Variants in AGTPBP1 observed in about 807,000 individuals in gnomAD.
The protein encoded by AGTPBP1 is cytosolic carboxypeptidase 1.
Under a neutral mutation model 143.9 loss-of-function variants are expected in AGTPBP1, and 70 were observed. That is an observed-to-expected ratio of 0.49 (90% CI 0.40 to 0.59). AGTPBP1 has a LOEUF of 0.59. Among genes scored for constraint, AGTPBP1 ranks in the 20% least tolerant of loss-of-function variants. The pLI, the probability that AGTPBP1 is intolerant of heterozygous loss-of-function variation, is 0.00. For missense variants in AGTPBP1, 1,229 were observed against 1,464.5 expected (o/e 0.84, Z 2.62); for synonymous variants, 463 against 500.2 (o/e 0.93, Z 0.99).
intron 2 of AGTPBP1, among the ~76,000 whole-genome samples, chr9:85,697,385 TA>T (rs1836316447): frequency 8.6e-6 from 1 of 116,396 alleles, no homozygotes; most frequent in South Asian, 2.9e-4. Flanking sequence ...GTGGGTTTAT[TA>T]TTTTTTAAAT....
At chr9:85,761,286 G>A in the AGTPBP1 span, among the ~76,000 whole-genome samples, 4 of 152,112 alleles carry the variant, frequency 2.6e-5, no homozygotes, top group East Asian at 1.9e-4. Context: ...TAAAGTTCAT[G>A]TGGAACCAAG....
Position 85,619,139 on chromosome 9 carries a change from T to C in AGTPBP1, c.2187-8A>G, listed in dbSNP as rs1351386457. 6 of 1,611,854 alleles carry C rather than the reference T, an allele frequency of 3.7e-6. No homozygotes were observed. The South Asian group carries it at 4.4e-5, about 12-fold the overall frequency. ...ATAAGATCATATTCATTTCTGAAAA[T>C]AGAAGACAAAGAAATCTGATGAAAA... On this transcript the variant is annotated splice_polypyrimidine_tract_variant and splice_region_variant and intron_variant, in intron 16 of 25. Transcript: ENST00000357081.
intron 2 of AGTPBP1, among the ~76,000 whole-genome samples, chr9:85,696,453 AGGTCG>A (rs879775935): frequency 2.9e-4 from 44 of 152,120 alleles, no homozygotes; most frequent in Non-Finnish European, 6.0e-4. Flanking sequence ...AGATCGCTTG[AGGTCG>A]AGAGCTCGAG....
At chr9:85,712,258 C>T (rs1837428536) in intron 2 of AGTPBP1, among the ~76,000 whole-genome samples, 2 of 151,838 alleles carry the variant, frequency 1.3e-5, no homozygotes, top group South Asian at 2.1e-4. Context: ...GAGTGAAATT[C>T]CGTCTCAAAA....
At position 85,657,484 on chromosome 9, in the gene AGTPBP1, T is replaced by C. The variant is rs754342914; in HGVS notation, c.860A>G (p.Lys287Arg). Residue 287 changes from lysine to arginine, a missense_variant, in exon 10 of 26, where the codon AAA (lysine) becomes AGA (arginine). Physicochemically the swap from Lys to Arg is conservative, Grantham distance 26. Around this residue, in one of 2 missense-constraint regions of AGTPBP1, gnomAD observed 743 missense variants for 812.2 expected, o/e 0.91. Transcript: ENST00000357081. ...KSVTNIKLGR[K>R]AFIDANGMKI... Reference sequence around the variant, plus strand: ...CATCCCATTGGCATCAATAAATGCTTTTCTTCCCAACTTGATGTTTGTAAC... The same window carrying C: ...CATCCCATTGGCATCAATAAATGCTCTTCTTCCCAACTTGATGTTTGTAAC... 15 of 1,613,756 alleles carry C rather than the reference T, an allele frequency of 9.3e-6. No homozygotes were observed. The South Asian group carries it at 1.1e-4, about 12-fold the overall frequency.
chr9:85,625,128 G>C (rs974050411), intron 14 of AGTPBP1, among the ~76,000 whole-genome samples: 1 of 152,234 alleles, frequency 6.6e-6, no homozygotes, highest in Non-Finnish European at 1.5e-5. Context: ...TGTGCACACA[G>C]ACATGTGAGA....
intron 25 of AGTPBP1, among the ~76,000 whole-genome samples, chr9:85,572,657 T>A (rs1827582150): frequency 6.6e-6 from 1 of 152,202 alleles, no homozygotes; most frequent in Admixed American, 6.5e-5. Context: ...TTAGTAAGCA[T>A]AAACGATATT....
At chr9:85,671,092 T>C (rs1361278385) in intron 7 of AGTPBP1, among the ~76,000 whole-genome samples, 1 of 151,150 alleles carries the variant, frequency 6.6e-6, no homozygotes, top group South Asian at 2.1e-4. Flanking sequence ...CAGGCACACA[T>C]CACCACAACT....
the AGTPBP1 span, among the ~76,000 whole-genome samples, chr9:85,762,386 G>C: frequency 1.3e-5 from 2 of 152,106 alleles, no homozygotes; most frequent in Non-Finnish European, 2.9e-5. Flanking sequence ...GTCCAACAAT[G>C]ATAGACTGGA....
Position 85,672,727 on chromosome 9 carries a change from T to G in AGTPBP1, c.437-46A>C, listed in dbSNP as rs1240582744. The G allele has an allele frequency of 2.1e-6, 3 of 1,434,244 alleles. No individual in the cohort carries two copies. In the African/African-American group the frequency reaches 4.6e-5, roughly 22 times the overall value. 88.8% of individuals were successfully genotyped at this position (1,434,244 alleles called of 1,614,324 possible). On this transcript the variant is annotated intron_variant, in intron 6 of 25. Transcript: ENST00000357081. Reference sequence around the variant, plus strand: ...CAATTTATGCACATACAACTTTTCTTTTTAATTTTTTTTTTTTTTTTTTTT... The same window carrying G: ...CAATTTATGCACATACAACTTTTCTGTTTAATTTTTTTTTTTTTTTTTTTT...
intron 10 of AGTPBP1, among the ~76,000 whole-genome samples, 156 bp from the exon 11 acceptor site, chr9:85,655,476 A>C (rs1328805674): frequency 6.6e-6 from 1 of 152,258 alleles, no homozygotes; most frequent in Non-Finnish European, 1.5e-5. Context: ...AAATAGCTTT[A>C]CTATTCAGAA....
the AGTPBP1 span, among the ~76,000 whole-genome samples, chr9:85,777,770 A>T: frequency 1.3e-5 from 2 of 152,210 alleles, no homozygotes; most frequent in African/African-American, 4.8e-5. Flanking sequence ...CTGACCATCC[A>T]GCCAAACCAC....
In AGTPBP1 at chr9:85,677,489, T is replaced by C; in HGVS notation, c.383A>G (p.His128Arg). 6.2e-7 allele frequency: 1 copy of C among 1,605,666 alleles called. No homozygotes were observed. The highest frequency in any genetic ancestry group is 8.5e-7 in the Non-Finnish European group (1 of 1,176,004). ...ATGAATCTGTACCATTAAGTCCTCA[T>C]GTGGGGGAGATTCTTTGCTGGCATT... ...LMNASKESPP[H>R]EDLMVQIHSI... is the part of the protein sequence containing the mutation. Residue 128 changes from histidine to arginine, a missense_variant, in exon 6 of 26, where the codon CAT (histidine) becomes CGT (arginine). Transcript: ENST00000357081.
chr9:85,592,611 A>T lies in AGTPBP1; in HGVS notation c.2517T>A (p.Asp839Glu), dbSNP rs894456162. ...AGTGATAAGCAAAGTAGCAAACATC[A>T]TCTTTATGTGGAAAATTGACAGTAA... ...ITFTVNFPHK[D>E]DVCYFAYHYP... The change falls in exon 19 of 26, where the codon GAT becomes GAA. Residue 839 changes from aspartate to glutamate, a missense_variant. Physicochemically the swap from Asp to Glu is conservative, Grantham distance 45. This residue lies in a region of AGTPBP1 where 486 missense variants were observed against 652.3 expected (regional missense o/e 0.75). Transcript: ENST00000357081. 2 of 1,612,312 alleles carry T rather than the reference A, an allele frequency of 1.2e-6. No individual in the cohort carries two copies. The highest frequency in any genetic ancestry group is 1.7e-6 in the Non-Finnish European group (2 of 1,179,280).
At chr9:85,551,637 C>G (rs1392019260) in intron 25 of AGTPBP1, among the ~76,000 whole-genome samples, 1 of 152,128 alleles carries the variant, frequency 6.6e-6, no homozygotes, top group Non-Finnish European at 1.5e-5. Flanking sequence ...AGTTTTTATC[C>G]CACAGATTTT....
intron 13 of AGTPBP1, among the ~76,000 whole-genome samples, chr9:85,642,256 C>T (rs940146875): frequency 1.3e-5 from 2 of 152,046 alleles, no homozygotes; most frequent in Non-Finnish European, 1.5e-5. Context: ...CTCTGTAATC[C>T]AGGCTGAATA....
chr9:85,621,330 T>C (rs949729763), intron 14 of AGTPBP1, 45 bp from the exon 15 acceptor site: 5 of 930,666 alleles, frequency 5.4e-6, no homozygotes, highest in South Asian at 2.9e-5. Flanking sequence ...TATACACTAA[T>C]GTACAACTTT....
rs767618691 is a variant in AGTPBP1, at chr9:85,692,812, G to A, written c.34C>T (p.Leu12Phe). 15 of 1,612,772 alleles carry A rather than the reference G, an allele frequency of 9.3e-6. No individual in the cohort carries two copies. The highest frequency in any genetic ancestry group is 1.7e-4 in the Middle Eastern group (1 of 6,052). The part of the protein sequence containing the change: ...SKLKVIPEKS[L>F]TNNSRIVGLL... ...CCTACGATCCTAGAATTATTGGTAA[G>A]GCTAAAAAGAACGTAGAATGTTAGG... Residue 12 changes from leucine (L) to phenylalanine (F), a missense_variant and splice_region_variant, in exon 3 of 26, where the codon CTT becomes TTT. This residue lies in a region of AGTPBP1 where 743 missense variants were observed against 812.2 expected (regional missense o/e 0.91). Transcript: ENST00000357081.
intron 20 of AGTPBP1, among the ~76,000 whole-genome samples, chr9:85,588,745 T>C (rs972909389): frequency 6.6e-6 from 1 of 152,168 alleles, no homozygotes; most frequent in African/African-American, 2.4e-5. Flanking sequence ...AATGACTAAT[T>C]TAACATGTAA....
Sources: gnomAD v4.1 joint callset for allele counts (sites outside exome capture counted in the v4.1 genomes callset) on GRCh38, gnomAD v4.1.1 for gene constraint, gnomAD v4.1.1 regional missense constraint, MANE v1.5 for transcripts, NCBI Gene and HGNC (gene_info 2026-07-23, HGNC 2026-07-21) for gene names.